The following KIF3B variants were observed in gnomAD, a reference collection of about 807,000 sequenced individuals.
KIF3B encodes kinesin-like protein KIF3B.
A neutral mutation model predicts 74.3 loss-of-function variants in KIF3B; 38 were observed. That is an observed-to-expected ratio of 0.51 (90% CI 0.39 to 0.67). KIF3B has a LOEUF of 0.67. KIF3B is among the 30% of genes least tolerant of loss of function. The probability of loss-of-function intolerance (pLI) is 0.00; values close to 1 mark genes in which losing one functional copy is unlikely to be tolerated. For missense variants in KIF3B, 649 were observed against 932.0 expected, an observed-to-expected ratio of 0.70 and a Z score of 3.95; for synonymous variants, 326 against 342.5, an observed-to-expected ratio of 0.95 and a Z score of 0.53.
chr20:32,330,678 T>C (rs1325817765), intron 8 of KIF3B, among the ~76,000 whole-genome samples: 2 of 152,198 alleles, frequency 1.3e-5, no homozygotes, highest in Non-Finnish European at 2.9e-5. Flanking sequence ...ATCAGTCCCA[T>C]TTTATAGACA....
At chr20:32,305,803 C>T (rs1259141506) in intron 1 of KIF3B, among the ~76,000 whole-genome samples, 1 of 151,032 alleles carries the variant, frequency 6.6e-6, no homozygotes, top group African/African-American at 2.4e-5. Context: ...AGGCTGGTCT[C>T]GAACTGCTGC....
chr20:32,312,059 TC>T (rs2047803360), intron 2 of KIF3B, among the ~76,000 whole-genome samples: 1 of 151,484 alleles, frequency 6.6e-6, no homozygotes, highest in African/African-American at 2.4e-5. Context: ...TGTCTCAGCC[TC>T]CCCAAGTGCT....
intron 5 of KIF3B, among the ~76,000 whole-genome samples, chr20:32,323,534 G>A (rs2047887358): frequency 6.6e-6 from 1 of 151,764 alleles, no homozygotes; most frequent in African/African-American, 2.4e-5. Flanking sequence ...CAGGTAGCTG[G>A]GACTACTCGA....
intron 1 of KIF3B, among the ~76,000 whole-genome samples, chr20:32,308,026 G>A (rs2047780618): frequency 6.6e-6 from 1 of 151,626 alleles, no homozygotes; most frequent in Admixed American, 6.6e-5. Flanking sequence ...CTTGTGGCCA[G>A]GAGTTTGAGA....
Position 32,310,171 on chromosome 20 carries a change from C to T in KIF3B, c.394C>T (p.Arg132Ter). 1.2e-6 allele frequency: 2 copies of T among 1,613,188 alleles called. No homozygotes were observed. Among genetic ancestry groups the T allele is most frequent in the Non-Finnish European group, 8.5e-7 (1 of 1,179,262 alleles). ...TGACCATATCTTCACCCACATCTCT[C>T]GATCCCAGAATCAACAATACCTGGT... ...SFDHIFTHIS[R>*]SQNQQYLVRA... Residue 132 changes from arginine to a stop codon, truncating the protein, a stop_gained, in exon 2 of 9, where the codon CGA becomes TGA. Coordinates refer to ENST00000375712, the MANE Select transcript of KIF3B (RefSeq NM_004798.4). LOFTEE classifies it high-confidence loss of function. The surrounding 1 kb of genome is among the most constrained non-coding windows in gnomAD (Gnocchi z 6.5).
chr20:32,322,094 TG>T (rs1333820460), intron 5 of KIF3B, among the ~76,000 whole-genome samples: 1 of 152,152 alleles, frequency 6.6e-6, no homozygotes, highest in Non-Finnish European at 1.5e-5. Flanking sequence ...TAGATCAATT[TG>T]GGCAATATTG....
At chr20:32,323,114 A>C (rs1342378102) in intron 5 of KIF3B, among the ~76,000 whole-genome samples, 5 of 118,310 alleles carry the variant, frequency 4.2e-5, no homozygotes, top group Non-Finnish European at 6.7e-5. Context: ...ATATATATTT[A>C]TATATTTATA....
intron 2 of KIF3B, 97 bp downstream of exon 2, chr20:32,311,278 C>G: frequency 7.5e-7 from 1 of 1,340,258 alleles, no homozygotes; most frequent in East Asian, 2.5e-5. Flanking sequence ...GGGATGATGT[C>G]TCTCATCAGT....
chr20:32,322,582 T>C (rs1013316478), intron 5 of KIF3B, among the ~76,000 whole-genome samples: 1 of 139,178 alleles, frequency 7.2e-6, no homozygotes, highest in African/African-American at 2.7e-5. Context: ...CACTCCAGCC[T>C]GGGCGACAGA....
At chr20:32,312,409 C>A (rs2047805773) in intron 2 of KIF3B, among the ~76,000 whole-genome samples, 1 of 152,046 alleles carries the variant, frequency 6.6e-6, no homozygotes, top group Non-Finnish European at 1.5e-5. Flanking sequence ...CCAGCTGATA[C>A]CTATATCTTT....
At chr20:32,305,199 A>G (rs896820872) in intron 1 of KIF3B, among the ~76,000 whole-genome samples, 14 of 151,902 alleles carry the variant, frequency 9.2e-5, no homozygotes, top group African/African-American at 2.4e-5. Context: ...ACATGTTTTT[A>G]AAAATCCCTG....
chr20:32,310,604 G>A lies in KIF3B; in HGVS notation c.827G>A (p.Gly276Asp). ...ATCAACCTCTCCCTTTCCGCTTTGGGTAATGTCATCTCTGCTCTAGTGGAC... is the reference window on the plus strand; with the variant it reads ...ATCAACCTCTCCCTTTCCGCTTTGGATAATGTCATCTCTGCTCTAGTGGAC... ...TKINLSLSAL[G>D]NVISALVDGK... is the part of the protein sequence containing the mutation. The change falls in exon 2 of 9, where the codon GGT (glycine) becomes GAT (aspartate). Residue 276 changes from glycine (G) to aspartate (D), a missense_variant. By Grantham distance (94) the Gly-to-Asp change is moderately conservative. Around this residue, in one of 4 missense-constraint regions of KIF3B, gnomAD observed 363 missense variants for 592.8 expected, o/e 0.61. Transcript: ENST00000375712. The surrounding 1 kb of genome is among the most constrained non-coding windows in gnomAD (Gnocchi z 6.5). 1 of 1,614,124 alleles carries A rather than the reference G, an allele frequency of 6.2e-7. No individual in the cohort carries two copies. Among genetic ancestry groups the A allele is most frequent in the South Asian group, 1.1e-5 (1 of 91,090 alleles).
At chr20:32,287,994 T>C (rs886680296) in intron 1 of KIF3B, among the ~76,000 whole-genome samples, 6 of 145,736 alleles carry the variant, frequency 4.1e-5, no homozygotes, top group Non-Finnish European at 7.5e-5. Flanking sequence ...GTGATTCTCC[T>C]GCCTCAGCCT....
chr20:32,286,216 T>C (rs189016448), intron 1 of KIF3B, among the ~76,000 whole-genome samples: 182 of 152,306 alleles, frequency 1.2e-3, no homozygotes, highest in East Asian at 7.5e-3. Flanking sequence ...GTCCTTCATA[T>C]CACCTTCAGC....
At chr20:32,279,401 A>G (rs1168888810) in intron 1 of KIF3B, among the ~76,000 whole-genome samples, 2 of 151,664 alleles carry the variant, frequency 1.3e-5, no homozygotes, top group African/African-American at 4.8e-5. Context: ...AGGAAACAAG[A>G]TCTCAGGTAA....
At chr20:32,303,998 T>G (rs2047757076) in intron 1 of KIF3B, among the ~76,000 whole-genome samples, 1 of 152,212 alleles carries the variant, frequency 6.6e-6, no homozygotes, top group South Asian at 2.1e-4. Context: ...TAATCTAGCT[T>G]TGTATTAGTT....
intron 8 of KIF3B, 102 bp from the exon 9 acceptor site, chr20:32,331,121 C>G: frequency 1.7e-5 from 13 of 770,072 alleles, no homozygotes; most frequent in East Asian, 2.9e-5. Flanking sequence ...TTGTCGTTTT[C>G]AGGCCATTGA....
chr20:32,316,497 C>A (rs1285590991), intron 3 of KIF3B, 30 bp from the exon 4 acceptor site: 1 of 1,613,102 alleles, frequency 6.2e-7, no homozygotes, highest in South Asian at 1.1e-5. Context: ...GTCTCTAGGG[C>A]AAGCTGATGA....
rs1423445356 is a variant in KIF3B at position 32,310,997 on chromosome 20, GGGATGATAA to G, written c.1228_1236del (p.Lys410_Asp412del). The G allele has an allele frequency of 6.2e-7, 1 of 1,613,502 alleles. No homozygotes were observed. The highest frequency in any genetic ancestry group is 1.3e-5 in the African/African-American group (1 of 74,950). On this transcript the variant is annotated inframe_deletion, in exon 2 of 9. Coordinates refer to ENST00000375712, the MANE Select transcript of KIF3B (RefSeq NM_004798.4). This position sits in a 1 kb window ranked among gnomAD's most constrained non-coding sequence, Gnocchi z 6.5. Reference sequence around the variant, plus strand: ...GAGGGAGAAGAGGGTGAGGAGGAAGGGGATGATAAGGATGATTACTGGCGGGAACAGCAA... The same window carrying G: ...GAGGGAGAAGAGGGTGAGGAGGAAGGGGATGATTACTGGCGGGAACAGCAA...
Sources: gnomAD v4.1 joint callset for allele counts (sites outside exome capture counted in the v4.1 genomes callset) on GRCh38, gnomAD v4.1.1 for gene constraint, gnomAD v4.1.1 regional missense constraint, Gnocchi (gnomAD v3.1) non-coding constraint, MANE v1.5 for transcripts, NCBI Gene and HGNC (gene_info 2026-07-23, HGNC 2026-07-21) for gene names.